Variants in GRIP1 observed in about 807,000 individuals in gnomAD.
GRIP1 encodes glutamate receptor-interacting protein 1.
GRIP1 carries 45 observed loss-of-function variants against 129.9 expected under a neutral mutation model. The observed-to-expected ratio is 0.35, with a 90% CI of 0.27 to 0.44. The LOEUF (loss-of-function observed/expected upper bound fraction) is 0.44, where lower values mean the gene tolerates loss of function less well. GRIP1 is among the 20% of genes least tolerant of loss of function. GRIP1 has a pLI of 1.00. For synonymous variants in GRIP1, 530 were observed against 520.8 expected, an observed-to-expected ratio of 1.02 and a Z score of -0.24; for missense variants, 1,196 against 1,396.8, an observed-to-expected ratio of 0.86 and a Z score of 2.29.
chr12:66,380,617 A>G (rs923518388), intron 19 of GRIP1, among the ~76,000 whole-genome samples: 1 of 152,250 alleles, frequency 6.6e-6, no homozygotes, highest in African/African-American at 2.4e-5. Context: ...AAATGTTTTT[A>G]AAGCATTTTT....
chr12:66,524,574 C>G (rs1332917375), intron 5 of GRIP1, among the ~76,000 whole-genome samples: 1 of 151,808 alleles, frequency 6.6e-6, no homozygotes, highest in Non-Finnish European at 1.5e-5. Flanking sequence ...CAAGAGAAAG[C>G]AGGAAAGATC....
chr12:66,522,318 T>A (rs190435605), intron 5 of GRIP1, among the ~76,000 whole-genome samples: 43 of 152,268 alleles, frequency 2.8e-4, no homozygotes, highest in African/African-American at 9.4e-4. Flanking sequence ...AGAGGAACGA[T>A]CAGGCAGCAG....
At chr12:66,504,467 C>CT (rs1273049566) in intron 7 of GRIP1, among the ~76,000 whole-genome samples, 1 of 152,120 alleles carries the variant, frequency 6.6e-6, no homozygotes, top group African/African-American at 2.4e-5. Flanking sequence ...ACTTGGGTCT[C>CT]TAAGTGGGTG....
At chr12:66,739,524 A>T (rs1310739737) in intron 1 of GRIP1, among the ~76,000 whole-genome samples, 2 of 152,128 alleles carry the variant, frequency 1.3e-5, no homozygotes, top group Non-Finnish European at 2.9e-5. Flanking sequence ...CAAACTGATT[A>T]TTGAGATTCT....
chr12:66,890,193 T>C (rs1320458306), intron 1 of GRIP1, among the ~76,000 whole-genome samples: 1 of 152,092 alleles, frequency 6.6e-6, no homozygotes, highest in Admixed American at 6.6e-5. Flanking sequence ...CCTCCCAAAA[T>C]GTTGGGATTA....
At chr12:66,539,545 C>CT (rs35373698) in intron 3 of GRIP1, among the ~76,000 whole-genome samples, 1,395 of 59,232 alleles carry the variant, frequency 0.024, 89 homozygotes, top group East Asian at 0.038. Flanking sequence ...TCAAGAGAAG[C>CT]TTTTTTTTTT....
At chr12:66,766,577 C>T (rs2037646536) in intron 1 of GRIP1, among the ~76,000 whole-genome samples, 1 of 152,192 alleles carries the variant, frequency 6.6e-6, no homozygotes, top group African/African-American at 2.4e-5. Flanking sequence ...CCTACATGGT[C>T]ACCCATTCCT....
intron 1 of GRIP1, among the ~76,000 whole-genome samples, chr12:66,928,545 A>G (rs1434990064): frequency 6.6e-6 from 1 of 152,192 alleles, no homozygotes; most frequent in African/African-American, 2.4e-5. Flanking sequence ...AAAAAGGCTA[A>G]CAATAAATCA....
chr12:67,060,275 A>G (rs2043509736), intron 1 of GRIP1, among the ~76,000 whole-genome samples: 1 of 152,248 alleles, frequency 6.6e-6, no homozygotes, highest in African/African-American at 2.4e-5. Context: ...GAGTTTGACT[A>G]GAAAAAAGTG....
intron 1 of GRIP1, among the ~76,000 whole-genome samples, chr12:66,926,878 A>T (rs951958106): frequency 6.6e-6 from 1 of 152,276 alleles, no homozygotes; most frequent in Non-Finnish European, 1.5e-5. Context: ...AAAGAAAAAA[A>T]TAAAAGCATG....
At chr12:66,657,910 G>A (rs893045908) in intron 1 of GRIP1, among the ~76,000 whole-genome samples, 3 of 152,136 alleles carry the variant, frequency 2.0e-5, no homozygotes, top group South Asian at 4.1e-4. Flanking sequence ...GTCTGAAAAA[G>A]TCATGTTTCA....
At chr12:66,453,104 G>A (rs903658796) in intron 11 of GRIP1, among the ~76,000 whole-genome samples, 9 of 152,192 alleles carry the variant, frequency 5.9e-5, no homozygotes, top group African/African-American at 2.2e-4. Flanking sequence ...GAAGAATAAT[G>A]TCCTGATTCA....
intron 1 of GRIP1, among the ~76,000 whole-genome samples, chr12:66,764,374 G>A (rs555959189): frequency 5.9e-5 from 9 of 152,278 alleles, no homozygotes; most frequent in African/African-American, 1.9e-4. Context: ...TCAGCCAAGT[G>A]CAACCTCAAG....
chr12:66,471,802 C>A (rs1592382582), intron 7 of GRIP1, among the ~76,000 whole-genome samples: 1 of 152,120 alleles, frequency 6.6e-6, no homozygotes, highest in East Asian at 1.9e-4. Flanking sequence ...ACATCTGTTC[C>A]CTGATCAAGG....
intron 1 of GRIP1, among the ~76,000 whole-genome samples, chr12:67,057,983 C>T (rs1048665005): frequency 4.6e-5 from 7 of 152,046 alleles, no homozygotes; most frequent in Admixed American, 2.0e-4. Flanking sequence ...AATCCTGACA[C>T]GAAGAGGACA....
chr12:67,058,978 AAAG>A (rs1419690417), intron 1 of GRIP1, among the ~76,000 whole-genome samples: 1 of 152,236 alleles, frequency 6.6e-6, no homozygotes, highest in East Asian at 1.9e-4. Flanking sequence ...GTACAAAAGG[AAAG>A]AAGAACTAAC....
intron 1 of GRIP1, among the ~76,000 whole-genome samples, chr12:66,749,245 C>T (rs2136605333): frequency 6.6e-6 from 1 of 152,322 alleles, no homozygotes; most frequent in South Asian, 2.1e-4. Context: ...CCAAGGACAA[C>T]ATCTAACACC....
upstream of GRIP1, among the ~76,000 whole-genome samples, chr12:66,682,179 T>C (rs1272486906): frequency 6.6e-6 from 1 of 152,172 alleles, no homozygotes; most frequent in Non-Finnish European, 1.5e-5. Flanking sequence ...ATTAACAAAG[T>C]ACCTTTAAGT....
chr12:66,791,819 C>T (rs888481173), intron 1 of GRIP1, among the ~76,000 whole-genome samples: 6 of 152,056 alleles, frequency 3.9e-5, no homozygotes, highest in African/African-American at 1.4e-4. Flanking sequence ...GTTTTCTATC[C>T]CTCATTCCCC....
Sources: gnomAD v4.1 joint callset for allele counts (sites outside exome capture counted in the v4.1 genomes callset) on GRCh38, gnomAD v4.1.1 for gene constraint, MANE v1.5 for transcripts, NCBI Gene and HGNC (gene_info 2026-07-23, HGNC 2026-07-21) for gene names.